Variants in VEGFC observed in about 807,000 individuals in gnomAD.
The protein encoded by VEGFC is FLT4 ligand DHM.
In VEGFC, 12 loss-of-function variants were observed where a neutral mutation model predicts 46.1. The ratio of observed to expected loss-of-function variants is 0.26; its 90% confidence interval spans 0.17 to 0.42. The LOEUF is 0.42. VEGFC is among the 10% of genes least tolerant of loss of function. The pLI is 1.00. For missense variants in VEGFC, 488 were observed against 529.4 expected, an observed-to-expected ratio of 0.92 and a Z score of 0.77; for synonymous variants, 232 against 195.5, an observed-to-expected ratio of 1.19 and a Z score of -1.56.
At chr4:176,719,372 A>G (rs535149237) in intron 3 of VEGFC, among the ~76,000 whole-genome samples, 3 of 152,192 alleles carry the variant, frequency 2.0e-5, no homozygotes, top group Non-Finnish European at 4.4e-5. Flanking sequence ...GAAGGAAATC[A>G]TCACACACTC....
At chr4:176,790,000 A>G (rs1447436845) in intron 1 of VEGFC, among the ~76,000 whole-genome samples, 1 of 152,226 alleles carries the variant, frequency 6.6e-6, no homozygotes, top group African/African-American at 2.4e-5. Flanking sequence ...GTTATAGAAA[A>G]TTAACAATTG....
intron 3 of VEGFC, among the ~76,000 whole-genome samples, chr4:176,724,303 A>G (rs1442409918): frequency 6.6e-6 from 1 of 152,082 alleles, no homozygotes; most frequent in Non-Finnish European, 1.5e-5. Flanking sequence ...CTATATTTTC[A>G]TTTGTTCTCA....
In VEGFC at chr4:176,737,196, G is replaced by A. The variant is rs1735070273; in HGVS notation, c.148-7450C>T. On this transcript the variant is annotated intron_variant, in intron 1 of 6. Transcript: ENST00000618562. The stretch of plus-strand genomic sequence containing the variant: ...CCATAAAAATTAGTTCATTGAAGGA[G>A]GGAATTATATTATAAAGTTTGTTGA... Among the ~76,000 whole-genome samples the A allele has an allele frequency of 2.7e-5, 4 of 148,554 alleles. No homozygotes were observed. The Admixed American group carries it at 2.7e-4, about 10-fold the overall frequency.
chr4:176,753,966 G>C (rs1735391070), intron 1 of VEGFC, among the ~76,000 whole-genome samples: 1 of 151,988 alleles, frequency 6.6e-6, no homozygotes. Context: ...TTTCGCCTAG[G>C]TTATTCAAAT....
At chr4:176,748,343 A>G (rs1735290745) in intron 1 of VEGFC, among the ~76,000 whole-genome samples, 1 of 152,084 alleles carries the variant, frequency 6.6e-6, no homozygotes, top group South Asian at 2.1e-4. Flanking sequence ...AGGGTTATAC[A>G]CTATAAAATC....
At chr4:176,783,683 A>C (rs1162282395) in intron 1 of VEGFC, among the ~76,000 whole-genome samples, 1 of 152,176 alleles carries the variant, frequency 6.6e-6, no homozygotes, top group Non-Finnish European at 1.5e-5. Flanking sequence ...GCTGCCCTCC[A>C]GGAGAGGAAC....
At chr4:176,773,778 G>A (rs1166592319) in intron 1 of VEGFC, among the ~76,000 whole-genome samples, 2 of 152,100 alleles carry the variant, frequency 1.3e-5, no homozygotes, top group Non-Finnish European at 2.9e-5. Flanking sequence ...GGACTCCTAG[G>A]TTTGAGCGAT....
At chr4:176,760,780 T>C (rs563669868) in intron 1 of VEGFC, among the ~76,000 whole-genome samples, 1 of 152,324 alleles carries the variant, frequency 6.6e-6, no homozygotes, top group South Asian at 2.1e-4. Context: ...CATTCATTAA[T>C]AATATGCTGA....
At chr4:176,687,154 G>A (rs376050804) in intron 6 of VEGFC, 33 bp downstream of exon 6, 42 of 1,577,506 alleles carry the variant, frequency 2.7e-5, no homozygotes, top group Non-Finnish European at 3.5e-5. Context: ...TTTCTAGTAA[G>A]ATAAATTAAT....
chr4:176,722,714 G>T (rs1433523282), intron 3 of VEGFC, among the ~76,000 whole-genome samples: 2 of 151,986 alleles, frequency 1.3e-5, no homozygotes, highest in Non-Finnish European at 2.9e-5. Flanking sequence ...TGCCCAGGCT[G>T]GTCTCCAATT....
At chr4:176,756,535 G>A (rs1735435304) in intron 1 of VEGFC, among the ~76,000 whole-genome samples, 1 of 151,926 alleles carries the variant, frequency 6.6e-6, no homozygotes. Flanking sequence ...TCTTTGAAAA[G>A]AATGTGCTTA....
At chr4:176,788,598 C>T (rs1348728544) in intron 1 of VEGFC, among the ~76,000 whole-genome samples, 4 of 152,200 alleles carry the variant, frequency 2.6e-5, no homozygotes, top group Middle Eastern at 6.3e-3. Context: ...GTTGTTTACT[C>T]TCACGATCAC....
At position 176,792,113 on chromosome 4, in the gene VEGFC, CA is replaced by C; in HGVS notation, c.147+51del. The C allele has an allele frequency of 1.4e-6, 2 of 1,417,054 alleles. No homozygotes were observed. The highest frequency in any genetic ancestry group is 1.8e-6 in the Non-Finnish European group (2 of 1,081,644). 87.8% of individuals were successfully genotyped at this position (1,417,054 alleles called of 1,614,324 possible). On this transcript the variant is annotated intron_variant, in intron 1 of 6. Coordinates refer to ENST00000618562, the MANE Select transcript of VEGFC (RefSeq NM_005429.5). The surrounding 1 kb of genome is among the most constrained non-coding windows in gnomAD (Gnocchi z 6.3). ...CCCGCGCAGGTTCTCGGGTCCGCCG[CA>C]GACCCTAACGCAAACTCTCGGGTTC...
chr4:176,730,200 G>A (rs1734940860), intron 1 of VEGFC, among the ~76,000 whole-genome samples: 1 of 152,058 alleles, frequency 6.6e-6, no homozygotes, highest in Non-Finnish European at 1.5e-5. Context: ...TTACTTTCAT[G>A]GGAGCTATTT....
Position 176,792,383 on chromosome 4 carries a change from G to A in VEGFC, c.-72C>T, listed in dbSNP as rs928986237. 7 of 1,234,860 alleles carry A rather than the reference G, an allele frequency of 5.7e-6. No individual in the cohort carries two copies. Among genetic ancestry groups the A allele is most frequent in the Non-Finnish European group, 7.5e-6 (7 of 938,654 alleles). The allele number at this position is 1,234,860 out of a possible 1,614,324, so 76.5% of individuals were successfully genotyped here. A position where few individuals can be genotyped will look rare whatever the true frequency, so the allele number is the denominator to read the frequency against. ...GGTGGGGGCGCGGGCGCCCCTGCGAGGCCGCGGGCCCCTCCTGGTCCCTCT... is the reference window on the plus strand; with the variant it reads ...GGTGGGGGCGCGGGCGCCCCTGCGAAGCCGCGGGCCCCTCCTGGTCCCTCT... On this transcript the variant is annotated 5_prime_UTR_variant, in exon 1 of 7. Transcript: ENST00000618562. This position sits in a 1 kb window ranked among gnomAD's most constrained non-coding sequence, Gnocchi z 6.3.
At chr4:176,777,128 A>G (rs1405536736) in intron 1 of VEGFC, among the ~76,000 whole-genome samples, 1 of 151,702 alleles carries the variant, frequency 6.6e-6, no homozygotes, top group Non-Finnish European at 1.5e-5. Context: ...CCTGGCTAAC[A>G]TGGTGAAACC....
intron 6 of VEGFC, among the ~76,000 whole-genome samples, chr4:176,684,816 C>T (rs1396372402): frequency 8.5e-5 from 13 of 152,214 alleles, no homozygotes. Flanking sequence ...ACCTCCGCCT[C>T]CTGGGCTCAA....
At chr4:176,766,097 T>C (rs1281856038) in intron 1 of VEGFC, among the ~76,000 whole-genome samples, 1 of 152,062 alleles carries the variant, frequency 6.6e-6, no homozygotes, top group Admixed American at 6.5e-5. Flanking sequence ...AAGGAAGATA[T>C]GCAAGGTCTC....
chr4:176,791,752 G>A (rs1419691368), intron 1 of VEGFC, among the ~76,000 whole-genome samples: 1 of 152,158 alleles, frequency 6.6e-6, no homozygotes, highest in Non-Finnish European at 1.5e-5. Context: ...AGGCTGGGTT[G>A]ACTGATCACC....
Sources: gnomAD v4.1 joint callset for allele counts (sites outside exome capture counted in the v4.1 genomes callset) on GRCh38, gnomAD v4.1.1 for gene constraint, Gnocchi (gnomAD v3.1) non-coding constraint, MANE v1.5 for transcripts, NCBI Gene and HGNC (gene_info 2026-07-23, HGNC 2026-07-21) for gene names.